The following CCDC158 variants were observed in gnomAD, a reference collection of about 807,000 sequenced individuals.
CCDC158 encodes coiled-coil domain containing 158.
In CCDC158, 116 loss-of-function variants were observed where a neutral mutation model predicts 138.6. The ratio of observed to expected loss-of-function variants is 0.84; its 90% CI spans 0.72 to 0.98. The LOEUF (loss-of-function observed/expected upper bound fraction) is 0.98. Ranked by LOEUF, CCDC158 falls within the 50% of genes least tolerant of loss-of-function variation. The pLI, the probability that CCDC158 is intolerant of heterozygous loss-of-function variation, is 0.00. For missense variants in CCDC158, 1,265 were observed against 1,306.1 expected, an observed-to-expected ratio of 0.97 and a Z score of 0.48; for synonymous variants, 436 against 442.4, an observed-to-expected ratio of 0.99 and a Z score of 0.18.
intron 4 of CCDC158, among the ~76,000 whole-genome samples, chr4:76,394,436 T>C (rs1727588633): frequency 6.6e-6 from 1 of 151,896 alleles, no homozygotes; most frequent in Admixed American, 6.6e-5. Flanking sequence ...TCAAAACAAT[T>C]GAACTCATGG....
intron 12 of CCDC158, among the ~76,000 whole-genome samples, chr4:76,366,869 G>T (rs1306354027): frequency 1.3e-5 from 2 of 152,030 alleles, no homozygotes; most frequent in Non-Finnish European, 2.9e-5. Flanking sequence ...TAACCCAACA[G>T]GTTGTTGGGA....
intron 3 of CCDC158, among the ~76,000 whole-genome samples, chr4:76,398,293 A>G (rs1223919314): frequency 6.6e-6 from 1 of 152,200 alleles, no homozygotes; most frequent in Non-Finnish European, 1.5e-5. Context: ...TATAGATTAC[A>G]TATTAATTAT....
intron 1 of CCDC158, 82 bp from the exon 2 acceptor site, chr4:76,412,214 CA>C (rs1729347321): frequency 6.6e-6 from 1 of 152,108 alleles, no homozygotes; most frequent in African/African-American, 2.4e-5. Flanking sequence ...GTTCAATTTA[CA>C]AATTCATGTT....
At chr4:76,410,632 A>G (rs28704100) in intron 2 of CCDC158, among the ~76,000 whole-genome samples, 4,449 of 152,286 alleles carry the variant, frequency 0.029, 212 homozygotes, top group African/African-American at 0.1. Flanking sequence ...GAACTGATCT[A>G]CATTCTTCTA....
chr4:76,382,126 C>T lies in CCDC158; in HGVS notation c.914+484G>A, dbSNP rs180960136. ...TTCCCCCATGCTTTTCCCGTGATAG[C>T]GAGTGAGTTCTCATGAGATCTGATG... On this transcript the variant is annotated intron_variant, in intron 8 of 24. Coordinates refer to ENST00000682701, the MANE Select transcript of CCDC158 (RefSeq NM_001394954.1). Among the ~76,000 whole-genome samples, 102 of 152,294 alleles carry T rather than the reference C, an allele frequency of 6.7e-4. 1 individual carries two copies. Among genetic ancestry groups the T allele is most frequent in the Non-Finnish European group, 5.4e-4 (37 of 68,032 alleles).
At chr4:76,395,142 A>G (rs1727659832) in intron 4 of CCDC158, among the ~76,000 whole-genome samples, 1 of 152,118 alleles carries the variant, frequency 6.6e-6, no homozygotes, top group Non-Finnish European at 1.5e-5. Context: ...ACAAATTAAG[A>G]CACTGTTTCT....
At chr4:76,387,022 T>C (rs1385320383) in intron 4 of CCDC158, among the ~76,000 whole-genome samples, 1 of 152,142 alleles carries the variant, frequency 6.6e-6, no homozygotes, top group African/African-American at 2.4e-5. Flanking sequence ...TCTTAGGCAA[T>C]TCCTAGTGCT....
chr4:76,399,307 A>C (rs1207768655), intron 3 of CCDC158, among the ~76,000 whole-genome samples: 1 of 152,082 alleles, frequency 6.6e-6, no homozygotes, highest in South Asian at 2.1e-4. Context: ...ACTGGGGCCT[A>C]TTGGGTTGCA....
chr4:76,359,517 G>A (rs1723924727), intron 13 of CCDC158, among the ~76,000 whole-genome samples: 1 of 152,228 alleles, frequency 6.6e-6, no homozygotes. Flanking sequence ...GGCTGAAGAA[G>A]TCTCAGATGG....
chr4:76,336,825 C>T (rs1721558712), intron 18 of CCDC158, among the ~76,000 whole-genome samples: 1 of 152,172 alleles, frequency 6.6e-6, no homozygotes, highest in Admixed American at 6.5e-5. Context: ...TGGATGCTAT[C>T]GTTGAAACCA....
At position 76,357,355 on chromosome 4, in the gene CCDC158, T is replaced by A; in HGVS notation, c.2173+19A>T. The A allele has an allele frequency of 1.4e-6, 2 of 1,463,878 alleles. No individual in the cohort carries two copies. Among genetic ancestry groups the A allele is most frequent in the South Asian group, 3.1e-5 (2 of 63,842 alleles). 90.7% of individuals were successfully genotyped at this position (1,463,878 alleles called of 1,614,324 possible). A position where few individuals can be genotyped will look rare whatever the true frequency, so the allele number is the denominator to read the frequency against. On this transcript the variant is annotated intron_variant, in intron 14 of 24. Coordinates refer to ENST00000682701, the MANE Select transcript of CCDC158 (RefSeq NM_001394954.1). ...AAATTAAAAACAGAAGAAAAAATTT[T>A]AAATCTAACAGAGCATACCATGACC...
intron 14 of CCDC158, 101 bp from the exon 15 acceptor site, chr4:76,355,537 C>T: frequency 1.2e-6 from 1 of 801,570 alleles, no homozygotes; most frequent in Non-Finnish European, 2.2e-6. Context: ...AAGTAAGATC[C>T]TCCAAGGTAT....
intron 9 of CCDC158, among the ~76,000 whole-genome samples, chr4:76,372,464 G>T (rs1357433818): frequency 6.6e-6 from 1 of 152,086 alleles, no homozygotes; most frequent in Non-Finnish European, 1.5e-5. Flanking sequence ...GCTTGATATG[G>T]CATAAACAAC....
chr4:76,411,455 T>G (rs538049462), intron 2 of CCDC158, among the ~76,000 whole-genome samples: 2 of 152,282 alleles, frequency 1.3e-5, no homozygotes, highest in South Asian at 4.1e-4. Context: ...CTTTATAACT[T>G]AAGCAGTGTA....
chr4:76,328,842 C>A, intron 22 of CCDC158, 58 bp downstream of exon 22: 2 of 1,418,856 alleles, frequency 1.4e-6, no homozygotes, highest in Non-Finnish European at 2.0e-6. Context: ...GGCTTTTACC[C>A]TCGTGGAAAT....
chr4:76,352,460 A>G (rs765016565), intron 16 of CCDC158: 1 of 152,248 alleles, frequency 6.6e-6, no homozygotes, highest in Non-Finnish European at 1.5e-5. Flanking sequence ...ACTGAAATTC[A>G]CAGAGTCAAT....
At chr4:76,391,458 A>G (rs1727300612) in intron 4 of CCDC158, among the ~76,000 whole-genome samples, 1 of 152,028 alleles carries the variant, frequency 6.6e-6, no homozygotes, top group Non-Finnish European at 1.5e-5. Flanking sequence ...TAAGAAGGAC[A>G]TTTAAAATTG....
intron 18 of CCDC158, among the ~76,000 whole-genome samples, chr4:76,348,543 T>C (rs1012964422): frequency 6.6e-6 from 1 of 150,548 alleles, no homozygotes; most frequent in African/African-American, 2.4e-5. Flanking sequence ...GGTTTCAACA[T>C]ATGAATCTAA....
chr4:76,394,931 G>A (rs1727642462), intron 4 of CCDC158, among the ~76,000 whole-genome samples: 1 of 152,024 alleles, frequency 6.6e-6, no homozygotes, highest in Admixed American at 6.6e-5. Context: ...AGTGTCCTGG[G>A]TCAAAGGAGG....
Sources: allele counts gnomAD v4.1 joint callset (sites outside exome capture counted in the v4.1 genomes callset), GRCh38; gene constraint gnomAD v4.1.1; transcripts MANE v1.5; gene names NCBI Gene and HGNC (gene_info 2026-07-23, HGNC 2026-07-21).